Variants in OLFM3 observed in about 807,000 individuals in gnomAD.
OLFM3 encodes the protein olfactomedin 3, also known as noelin-3.
OLFM3 carries 20 observed loss-of-function variants against 48.6 expected under a neutral mutation model. That is an observed-to-expected ratio of 0.41 (90% CI 0.29 to 0.60). The LOEUF (loss-of-function observed/expected upper bound fraction) is 0.60. Ranked by LOEUF, OLFM3 falls within the 20% of genes least tolerant of loss-of-function variation. The pLI is 0.28. For synonymous variants in OLFM3, 222 were observed against 198.1 expected, an observed-to-expected ratio of 1.12 and a Z score of -1.01; for missense variants, 437 against 544.3, an observed-to-expected ratio of 0.80 and a Z score of 1.96.
At chr1:101,889,141 C>G (rs1657889215) in intron 1 of OLFM3, among the ~76,000 whole-genome samples, 1 of 152,134 alleles carries the variant, frequency 6.6e-6, no homozygotes, top group Admixed American at 6.5e-5. Context: ...ACCCAGCCAT[C>G]CCATTACTGG....
At chr1:101,912,867 A>G (rs1199776319) in intron 1 of OLFM3, among the ~76,000 whole-genome samples, 1 of 152,194 alleles carries the variant, frequency 6.6e-6, no homozygotes, top group Admixed American at 6.5e-5. Context: ...TTTGAGAGCA[A>G]TAGCTTTGAA....
rs145319530 is a variant in OLFM3 at position 101,934,760 on chromosome 1, C to A, written c.69+61988G>T. On this transcript the variant is annotated intron_variant, in intron 1 of 5. Coordinates refer to ENST00000370103, the MANE Select transcript of OLFM3 (RefSeq NM_058170.4). ...TAAATTAAAAAAAAACAAAATCACA[C>A]CAAAACACTTTTTGACCTCAACACA... Among the ~76,000 whole-genome samples, 849 of 151,968 alleles carry A rather than the reference C, an allele frequency of 5.6e-3. 2 individuals are homozygous for A. The highest frequency in any genetic ancestry group is 7.6e-3 in the Non-Finnish European group (515 of 67,920).
intron 1 of OLFM3, among the ~76,000 whole-genome samples, chr1:101,912,573 AG>A (rs1658796341): frequency 6.6e-6 from 1 of 152,262 alleles, no homozygotes. Flanking sequence ...ACTTATTCAC[AG>A]CAGAAATGCT....
chr1:101,827,781 C>T (rs1188936906), intron 3 of OLFM3, among the ~76,000 whole-genome samples: 1 of 152,114 alleles, frequency 6.6e-6, no homozygotes, highest in East Asian at 1.9e-4. Flanking sequence ...AATCTTGGTT[C>T]TCATGCATAT....
intron 4 of OLFM3, among the ~76,000 whole-genome samples, chr1:101,822,034 ATAT>A (rs956123478): frequency 1.3e-4 from 20 of 152,152 alleles, no homozygotes; most frequent in African/African-American, 4.8e-4. Flanking sequence ...TGCTATAGAA[ATAT>A]TATGCAAAGT....
intron 1 of OLFM3, among the ~76,000 whole-genome samples, chr1:101,838,817 G>A (rs960765356): frequency 1.3e-5 from 2 of 152,144 alleles, no homozygotes; most frequent in African/African-American, 4.8e-5. Context: ...CATGAACCAG[G>A]TTGACTTCTT....
intron 1 of OLFM3, among the ~76,000 whole-genome samples, chr1:101,912,654 T>C (rs192967532): frequency 4.3e-4 from 66 of 152,242 alleles, no homozygotes; most frequent in Admixed American, 7.2e-4. Flanking sequence ...AATCATACGA[T>C]TGAGGTACTT....
rs1471403887 is a variant in OLFM3, at chr1:101,804,646, T to A, written c.969A>T (p.Gly323=). 6.2e-7 allele frequency: 1 copy of A among 1,612,616 alleles called. No homozygotes were observed. The highest frequency in any genetic ancestry group is 2.2e-5 in the East Asian group (1 of 44,796). Residue 323 remains glycine, a synonymous_variant, in exon 6 of 6, where the codon GGA becomes GGT. Coordinates refer to ENST00000370103, the MANE Select transcript of OLFM3 (RefSeq NM_058170.4). This position sits in a 1 kb window ranked among gnomAD's most constrained non-coding sequence, Gnocchi z 4.5. Reference sequence around the variant, plus strand: ...CAGCCATTAGGTCGATGTCAGAGAATCCACCCCATGTGTAGGGGTAAACAT... The same window carrying A: ...CAGCCATTAGGTCGATGTCAGAGAAACCACCCCATGTGTAGGGGTAAACAT... ...FHNVYPYTWG[G]FSDIDLMADE...
chr1:101,855,714 A>C (rs556797892), intron 1 of OLFM3, among the ~76,000 whole-genome samples: 1 of 152,176 alleles, frequency 6.6e-6, no homozygotes, highest in Admixed American at 6.5e-5. Flanking sequence ...TTTTCACTGC[A>C]ATCTATTTTC....
rs750446485 is a variant in OLFM3 at position 101,972,826 on chromosome 1, C to T, written c.69+23922G>A. The stretch of plus-strand genomic sequence containing the variant: ...CCTCTCACTTGTGGAGTAAGCTGCA[C>T]GGAATATTGAATATAGACTGCATGT... On this transcript the variant is annotated intron_variant, in intron 1 of 5. Transcript: ENST00000370103. Among the ~76,000 whole-genome samples, 8 of 152,270 alleles carry T rather than the reference C, an allele frequency of 5.3e-5. 1 individual carries two copies. The highest frequency in any genetic ancestry group is 3.4e-3 in the Middle Eastern group (1 of 294).
chr1:101,883,459 T>C (rs1330966033), intron 1 of OLFM3, among the ~76,000 whole-genome samples: 1 of 151,848 alleles, frequency 6.6e-6, no homozygotes, highest in African/African-American at 2.4e-5. Context: ...TATTCCACTG[T>C]GGTATAAGCT....
chr1:101,861,468 T>A (rs1426181886), intron 1 of OLFM3, among the ~76,000 whole-genome samples: 1 of 152,216 alleles, frequency 6.6e-6, no homozygotes, highest in East Asian at 1.9e-4. Flanking sequence ...GTTACTACTG[T>A]CTCAGTGAGG....
chr1:101,947,289 T>C (rs774327737), intron 1 of OLFM3, among the ~76,000 whole-genome samples: 1 of 152,210 alleles, frequency 6.6e-6, no homozygotes, highest in East Asian at 1.9e-4. Context: ...GAAAATCAAC[T>C]GGAATATCAA....
At chr1:101,887,692 A>T (rs1292959618) in intron 1 of OLFM3, among the ~76,000 whole-genome samples, 1 of 152,056 alleles carries the variant, frequency 6.6e-6, no homozygotes, top group Non-Finnish European at 1.5e-5. Context: ...TCATCTTGGT[A>T]AATACTTATT....
intron 3 of OLFM3, among the ~76,000 whole-genome samples, chr1:101,828,156 C>G (rs1654977194): frequency 1.3e-5 from 2 of 152,004 alleles, no homozygotes; most frequent in African/African-American, 4.8e-5. Context: ...CCCAGCCATG[C>G]AGAACTGTAA....
At chr1:101,857,319 A>C (rs1656466444) in intron 1 of OLFM3, among the ~76,000 whole-genome samples, 1 of 152,018 alleles carries the variant, frequency 6.6e-6, no homozygotes, top group Non-Finnish European at 1.5e-5. Flanking sequence ...GAAATATCTG[A>C]GTTCTTGGAG....
chr1:101,959,402 G>A (rs1341964895), intron 1 of OLFM3, among the ~76,000 whole-genome samples: 1 of 151,348 alleles, frequency 6.6e-6, no homozygotes, highest in Non-Finnish European at 1.5e-5. Context: ...GGAGGCATAA[G>A]GATGAGAAAA....
intron 1 of OLFM3, among the ~76,000 whole-genome samples, chr1:101,894,822 T>C (rs1309670106): frequency 6.6e-6 from 1 of 152,122 alleles, no homozygotes; most frequent in Admixed American, 6.5e-5. Context: ...ACACAAATTA[T>C]ATATATGGAA....
chr1:101,897,993 C>G (rs901740932), intron 1 of OLFM3, among the ~76,000 whole-genome samples: 2 of 151,976 alleles, frequency 1.3e-5, no homozygotes, highest in Admixed American at 6.6e-5. Flanking sequence ...CTTGAGGTAC[C>G]ATGTGTCTGA....
Sources: allele counts gnomAD v4.1 joint callset (sites outside exome capture counted in the v4.1 genomes callset), GRCh38; gene constraint gnomAD v4.1.1; non-coding constraint Gnocchi (gnomAD v3.1); transcripts MANE v1.5; gene names NCBI Gene and HGNC (gene_info 2026-07-23, HGNC 2026-07-21).